The following NRN1 variants were observed in gnomAD, a reference collection of about 807,000 sequenced individuals.
The protein encoded by NRN1 is neuritin.
A neutral mutation model predicts 15.0 loss-of-function variants in NRN1; 4 were observed. The observed-to-expected ratio is 0.27, with a 90% CI of 0.13 to 0.61. NRN1 has a LOEUF of 0.61. Ranked by LOEUF, NRN1 falls within the 20% of genes least tolerant of loss-of-function variation. The pLI, the probability that NRN1 is intolerant of heterozygous loss-of-function variation, is 0.87. For synonymous variants in NRN1, 85 were observed against 79.8 expected, an observed-to-expected ratio of 1.07 and a Z score of -0.35; for missense variants, 134 against 181.9, an observed-to-expected ratio of 0.74 and a Z score of 1.51.
chr6:6,007,112 G>A (rs574872353), upstream of NRN1: 73 of 235,038 alleles, frequency 3.1e-4, no homozygotes, highest in Non-Finnish European at 5.8e-4. Context: ...GCCATTTATA[G>A]TCATCAGAAG....
Position 6,006,809 on chromosome 6 carries a change from C to T in NRN1, c.-60G>A, listed in dbSNP as rs1758122390. On this transcript the variant is annotated 5_prime_UTR_variant, in exon 1 of 3. Coordinates refer to ENST00000244766, the MANE Select transcript of NRN1 (RefSeq NM_016588.3). ...CTTTAAATAGTTAGTTTAGAGAACG[C>T]GGGGGAAAGCCAAAAAATAGGCATT... is the stretch of plus-strand genomic sequence containing the variant. 1.9e-6 allele frequency: 3 copies of T among 1,544,194 alleles called. No homozygotes were observed. The highest frequency in any genetic ancestry group is 1.4e-5 in the African/African-American group (1 of 73,590).
intron 1 of NRN1, chr6:6,004,117 G>T (rs1447470980): frequency 1.1e-5 from 10 of 905,146 alleles, no homozygotes; most frequent in Non-Finnish European, 1.3e-5. Context: ...TTTTTAATCC[G>T]GAACGGGAAG....
chr6:6,001,099 G>A (rs549093699), intron 2 of NRN1, among the ~76,000 whole-genome samples: 1 of 152,268 alleles, frequency 6.6e-6, no homozygotes, highest in East Asian at 1.9e-4. Flanking sequence ...TTTCATGATA[G>A]GAAAGCACTA....
At position 6,002,825 on chromosome 6, in the gene NRN1, C is replaced by T. The variant is rs565701438; in HGVS notation, c.56-328G>A. On this transcript the variant is annotated intron_variant, in intron 1 of 2. Transcript: ENST00000244766. ...CTGTTTCCATCGCCCCCTCTTCTCA[C>T]CTCCCTCATCCCTTTTATTTCTCTT... The T allele has an allele frequency of 1.7e-5, 7 of 412,882 alleles. No homozygotes were observed. The East Asian group carries it at 2.8e-4, about 16-fold the overall frequency. The allele number at this position is 412,882 out of a possible 1,614,324, so 25.6% of individuals were successfully genotyped here. A position where few individuals can be genotyped will look rare whatever the true frequency, so the allele number is the denominator to read the frequency against.
chr6:5,999,289 G>T, intron 2 of NRN1, 85 bp from the exon 3 acceptor site: 1 of 1,217,054 alleles, frequency 8.2e-7, no homozygotes, highest in Non-Finnish European at 1.2e-6. Flanking sequence ...GCGCCTCCCC[G>T]CTGGCGGCCC....
At chr6:6,002,715 G>A (rs542537561) in intron 1 of NRN1, 79 of 618,042 alleles carry the variant, frequency 1.3e-4, no homozygotes, top group South Asian at 1.1e-3. Flanking sequence ...AATTGTCGGT[G>A]TGTGAGCAGG....
Position 5,999,120 on chromosome 6 carries a change from T to C in NRN1, c.285A>G (p.Arg95=). ...GGATGTTGAGGTTTTTGGATTCTTT[T>C]CTCAGTTTATCCCACATATCTTTCG... is the stretch of plus-strand genomic sequence containing the variant. ...EGAKDMWDKL[R]KESKNLNIQG... Residue 95 remains arginine (R), a synonymous_variant, in exon 3 of 3, where the codon AGA becomes AGG. Transcript: ENST00000244766. 6.2e-7 allele frequency: 1 copy of C among 1,614,202 alleles called. No individual in the cohort carries two copies. Among genetic ancestry groups the C allele is most frequent in the African/African-American group, 1.3e-5 (1 of 75,076 alleles).
At chr6:5,999,595 G>T (rs994331067) in intron 2 of NRN1, among the ~76,000 whole-genome samples, 4 of 152,214 alleles carry the variant, frequency 2.6e-5, no homozygotes, top group Non-Finnish European at 4.4e-5. Context: ...GCAAGCTGCC[G>T]CCCATTAATG....
chr6:6,003,872 C>T lies in NRN1; in HGVS notation c.56-1375G>A, dbSNP rs187274159. On this transcript the variant is annotated intron_variant, in intron 1 of 2. Coordinates refer to ENST00000244766, the MANE Select transcript of NRN1 (RefSeq NM_016588.3). ...GTGAATCTCAGAATCGAAATCCGCA[C>T]TGGCGCCCACGACCCTGGGCGCCGG... 782 of 1,231,830 alleles carry T rather than the reference C, an allele frequency of 6.3e-4. 4 individuals are homozygous for T. In the African/African-American group the frequency reaches 9.8e-3, roughly 15 times the overall value. The allele number at this position is 1,231,830 out of a possible 1,614,324, so 76.3% of individuals were successfully genotyped here.
Position 6,006,762 on chromosome 6 carries a change from C to G in NRN1, c.-13G>C. 1 of 1,613,998 alleles carries G rather than the reference C, an allele frequency of 6.2e-7. No homozygotes were observed. Among genetic ancestry groups the G allele is most frequent in the Non-Finnish European group, 8.5e-7 (1 of 1,179,850 alleles). On this transcript the variant is annotated 5_prime_UTR_variant, in exon 1 of 3. The change abolishes the stop of an existing upstream ORF in the 5' untranslated region. Coordinates refer to ENST00000244766, the MANE Select transcript of NRN1 (RefSeq NM_016588.3). ...ACTTAAGTCCCATCCTACGTTTAGT[C>G]AAACCATTTGCGACCGCAGACCTTT...
chr6:5,998,959 G>C lies in NRN1; in HGVS notation c.*17C>G. ...GAGTGAGTGTGGGTGGGCGCGCGGG[G>C]GGAGCTGGCCCCACGCTCAGAAGGA... is the stretch of plus-strand genomic sequence containing the variant. On this transcript the variant is annotated 3_prime_UTR_variant, in exon 3 of 3. Coordinates refer to ENST00000244766, the MANE Select transcript of NRN1 (RefSeq NM_016588.3). 5 of 1,588,154 alleles carry C rather than the reference G, an allele frequency of 3.1e-6. No individual in the cohort carries two copies. In the South Asian group the frequency reaches 5.6e-5, roughly 18 times the overall value.
chr6:6,002,534 G>C, intron 1 of NRN1, 37 bp from the exon 2 acceptor site: 1 of 1,596,796 alleles, frequency 6.3e-7, no homozygotes. Flanking sequence ...GCAGCGCCAC[G>C]ACCCCGCCCT....
intron 1 of NRN1, chr6:6,004,075 T>C (rs1370669538): frequency 9.2e-7 from 1 of 1,081,220 alleles, no homozygotes; most frequent in Non-Finnish European, 1.1e-6. Flanking sequence ...CGTTTGCAAA[T>C]TGCTGCAGGA....
intron 1 of NRN1, among the ~76,000 whole-genome samples, chr6:6,006,360 G>A (rs533505644): frequency 2.6e-4 from 39 of 152,284 alleles, no homozygotes; most frequent in South Asian, 1.7e-3. Context: ...CAGTATCGCA[G>A]GGGCCAGTAC....
At position 5,998,929 on chromosome 6, in the gene NRN1, G is replaced by C. The variant is rs759634285; in HGVS notation, c.*47C>G. 2 of 1,358,772 alleles carry C rather than the reference G, an allele frequency of 1.5e-6. No homozygotes were observed. Among genetic ancestry groups the C allele is most frequent in the Admixed American group, 1.8e-5 (1 of 54,252 alleles). The allele number at this position is 1,358,772 out of a possible 1,614,324, so 84.2% of individuals were successfully genotyped here. A position where few individuals can be genotyped will look rare whatever the true frequency, so the allele number is the denominator to read the frequency against. Reference sequence around the variant, plus strand: ...TGGATCTTCCTCTCGATTTCCGGGAGCATGGAGTGAGTGTGGGTGGGCGCG... The same window carrying C: ...TGGATCTTCCTCTCGATTTCCGGGACCATGGAGTGAGTGTGGGTGGGCGCG... On this transcript the variant is annotated 3_prime_UTR_variant, in exon 3 of 3. Transcript: ENST00000244766.
At chr6:6,002,556 C>G in intron 1 of NRN1, 59 bp from the exon 2 acceptor site, 10 of 1,579,306 alleles carry the variant, frequency 6.3e-6, no homozygotes, top group Non-Finnish European at 8.6e-6. Context: ...CCGCCCACTG[C>G]CCTTTCCTGC....
At position 6,003,341 on chromosome 6, in the gene NRN1, G is replaced by A. The variant is rs369341184; in HGVS notation, c.56-844C>T. On this transcript the variant is annotated intron_variant, in intron 1 of 2. Coordinates refer to ENST00000244766, the MANE Select transcript of NRN1 (RefSeq NM_016588.3). ...GTCTGCCTGGGTCACCTCCGCAAAG[G>A]CCAAATCCACGAACCTCGGGCCTCT... 3.0e-5 allele frequency: 28 copies of A among 941,920 alleles called. No individual in the cohort carries two copies. In the East Asian group the frequency reaches 7.6e-4, roughly 25 times the overall value. 58.3% of individuals were successfully genotyped at this position (941,920 alleles called of 1,614,324 possible).
At chr6:5,999,305 A>T in intron 2 of NRN1, 101 bp from the exon 3 acceptor site, 6 of 996,526 alleles carry the variant, frequency 6.0e-6, no homozygotes, top group Non-Finnish European at 9.1e-6. Context: ...GGCCCCGCCA[A>T]CTTCCCGGGG....
intron 1 of NRN1, chr6:6,003,214 C>T (rs1045281596): frequency 2.4e-6 from 3 of 1,234,496 alleles, no homozygotes; most frequent in African/African-American, 3.1e-5. Flanking sequence ...CACCCTCTCC[C>T]GCCCCGCTGG....
Sources: gnomAD v4.1 joint callset for allele counts (sites outside exome capture counted in the v4.1 genomes callset) on GRCh38, gnomAD v4.1.1 for gene constraint, MANE v1.5 for transcripts, NCBI Gene and HGNC (gene_info 2026-07-23, HGNC 2026-07-21) for gene names.